The following ARID1A variants were observed in gnomAD, a reference collection of about 807,000 sequenced individuals.
ARID1A encodes the protein AT-rich interaction domain 1A.
Under a neutral mutation model 212.6 loss-of-function variants are expected in ARID1A, and 20 were observed. That is an observed-to-expected ratio of 0.09 (90% CI 0.07 to 0.14). The LOEUF is 0.14. ARID1A is among the 10% of genes least tolerant of loss of function. The pLI, the probability that ARID1A is intolerant of heterozygous loss-of-function variation, is 1.00. For missense variants in ARID1A, 2,587 were observed against 3,059.0 expected (o/e 0.85, Z 3.64); for synonymous variants, 1,376 against 1,222.1 (o/e 1.13, Z -2.63).
chr1:26,704,652 C>A (rs188938529), intron 1 of ARID1A, among the ~76,000 whole-genome samples: 1 of 152,064 alleles, frequency 6.6e-6, no homozygotes, highest in African/African-American at 2.4e-5. Context: ...AAGCCCAGGA[C>A]CAGCCTTGGG....
At chr1:26,727,995 TA>T (rs570076420) in intron 1 of ARID1A, 3 of 152,220 alleles carry the variant, frequency 2.0e-5, no homozygotes, top group Non-Finnish European at 4.4e-5. Context: ...TAAGTAACCC[TA>T]AAATCTATGT....
chr1:26,711,195 G>A (rs973302656), intron 1 of ARID1A, among the ~76,000 whole-genome samples: 21 of 151,672 alleles, frequency 1.4e-4, no homozygotes, highest in Non-Finnish European at 2.4e-4. Flanking sequence ...TGCAACCTCC[G>A]CCTCCTGGGT....
intron 1 of ARID1A, among the ~76,000 whole-genome samples, chr1:26,716,575 T>G (rs916405777): frequency 3.3e-5 from 5 of 152,166 alleles, no homozygotes; most frequent in Non-Finnish European, 5.9e-5. Flanking sequence ...AGTTATCCAT[T>G]GAGGCATGCT....
chr1:26,739,276 A>G (rs1211164690), intron 4 of ARID1A, among the ~76,000 whole-genome samples: 1 of 152,232 alleles, frequency 6.6e-6, no homozygotes, highest in Admixed American at 6.5e-5. Context: ...TGGAAAATGG[A>G]TACAGGATTG....
intron 1 of ARID1A, among the ~76,000 whole-genome samples, chr1:26,720,703 C>T (rs1212637975): frequency 2.6e-5 from 4 of 151,696 alleles, no homozygotes; most frequent in Non-Finnish European, 5.9e-5. Flanking sequence ...ATGGTGAAAC[C>T]CCATCTCTAC....
chr1:26,700,849 T>C (rs1395587655), intron 1 of ARID1A, among the ~76,000 whole-genome samples: 2 of 152,204 alleles, frequency 1.3e-5, no homozygotes, highest in African/African-American at 4.8e-5. Flanking sequence ...GATGGCACTT[T>C]AGTTGTGGGG....
chr1:26,769,054 TGCA>T (rs748115824), intron 11 of ARID1A: 1 of 152,244 alleles, frequency 6.6e-6, no homozygotes, highest in Non-Finnish European at 1.5e-5. Context: ...ATAAGACACG[TGCA>T]TACTGCCACA....
intron 4 of ARID1A, among the ~76,000 whole-genome samples, chr1:26,743,350 A>C (rs2080806582): frequency 6.6e-6 from 1 of 152,132 alleles, no homozygotes; most frequent in South Asian, 2.1e-4. Context: ...ATATTGGCAT[A>C]GCCTTATGCT....
chr1:26,738,561 G>A (rs1457154422), intron 4 of ARID1A, among the ~76,000 whole-genome samples: 1 of 151,782 alleles, frequency 6.6e-6, no homozygotes, highest in Non-Finnish European at 1.5e-5. Context: ...CATCTGACAG[G>A]AGCAGCTTGA....
rs149538231 is a variant in ARID1A at position 26,773,405 on chromosome 1, C to T, written c.3775C>T (p.Pro1259Ser). 32 of 1,612,894 alleles carry T rather than the reference C, an allele frequency of 2.0e-5. No individual in the cohort carries two copies. Among genetic ancestry groups the T allele is most frequent in the Non-Finnish European group, 2.6e-5 (31 of 1,179,408 alleles). The change falls in exon 15 of 20, where the codon CCC (proline) becomes TCC (serine). Residue 1259 changes from proline (P) to serine (S), a missense_variant. Coordinates refer to ENST00000324856, the MANE Select transcript of ARID1A (RefSeq NM_006015.6). The stretch of plus-strand genomic sequence containing the variant: ...GGGCCCCAACGGCGGGATGGGTGAC[C>T]CCTACAGTCGTGCTGCCGGCCCTGG... ...GQGPNGGMGD[P>S]YSRAAGPGLG...
Position 26,762,144 on chromosome 1 carries a change from A to G in ARID1A, c.2252-8A>G, listed in dbSNP as rs575872989. The G allele has an allele frequency of 6.2e-7, 1 of 1,609,092 alleles. No individual in the cohort carries two copies. The highest frequency in any genetic ancestry group is 1.3e-5 in the African/African-American group (1 of 74,856). Reference sequence around the variant, plus strand: ...GCTAATAACTATATGGATGCTACCCACAAATAGGTTATATGCAGAGGAACC... The same window carrying G: ...GCTAATAACTATATGGATGCTACCCGCAAATAGGTTATATGCAGAGGAACC... On this transcript the variant is annotated splice_polypyrimidine_tract_variant and splice_region_variant and intron_variant, in intron 6 of 19. Coordinates refer to ENST00000324856, the MANE Select transcript of ARID1A (RefSeq NM_006015.6).
intron 8 of ARID1A, among the ~76,000 whole-genome samples, chr1:26,763,822 T>C (rs1281722296): frequency 6.6e-6 from 1 of 152,168 alleles, no homozygotes; most frequent in Non-Finnish European, 1.5e-5. Flanking sequence ...AGGACCCTGC[T>C]CTGTTCCCCA....
intron 4 of ARID1A, among the ~76,000 whole-genome samples, chr1:26,736,071 T>C (rs987887835): frequency 3.3e-5 from 5 of 152,134 alleles, no homozygotes; most frequent in African/African-American, 1.2e-4. Flanking sequence ...ACGCCTGTAA[T>C]CCCAGCACTT....
chr1:26,707,586 G>A (rs536068452), intron 1 of ARID1A, among the ~76,000 whole-genome samples: 33 of 151,918 alleles, frequency 2.2e-4, no homozygotes, highest in African/African-American at 7.7e-4. Flanking sequence ...CAGGTGATCC[G>A]CCGGCTTTGA....
Position 26,697,141 on chromosome 1 carries a change from T to A in ARID1A, c.738T>A (p.Ala246=), listed in dbSNP as rs2124743336. The A allele has an allele frequency of 6.9e-7, 1 of 1,438,936 alleles. No individual in the cohort carries two copies. The highest frequency in any genetic ancestry group is 9.1e-7 in the Non-Finnish European group (1 of 1,099,560). 89.1% of individuals were successfully genotyped at this position (1,438,936 alleles called of 1,614,324 possible). The part of the protein sequence containing the change: ...GGTPGSGAAA[A]AGSKPPPSSS... ...CTCCGGGCTCCGGCGCGGCGGCGGC[T>A]GCCGGCTCCAAGCCGCCTCCCTCCT... Residue 246 remains alanine, a synonymous_variant, in exon 1 of 20, where the codon GCT becomes GCA. Coordinates refer to ENST00000324856, the MANE Select transcript of ARID1A (RefSeq NM_006015.6).
intron 4 of ARID1A, among the ~76,000 whole-genome samples, chr1:26,756,553 C>A (rs1201433764): frequency 6.8e-6 from 1 of 146,696 alleles, no homozygotes; most frequent in African/African-American, 2.5e-5. Flanking sequence ...CAGACCGAGA[C>A]CCTGTCTCTT....
At chr1:26,767,472 T>C (rs2081049303) in intron 10 of ARID1A, among the ~76,000 whole-genome samples, 1 of 152,260 alleles carries the variant, frequency 6.6e-6, no homozygotes, top group African/African-American at 2.4e-5. Context: ...ACTTAAAAGC[T>C]GTGAGATCTT....
At chr1:26,768,220 G>A (rs986192874) in intron 11 of ARID1A, among the ~76,000 whole-genome samples, 7 of 152,156 alleles carry the variant, frequency 4.6e-5, no homozygotes, top group South Asian at 2.1e-4. Flanking sequence ...TAAGTTTACC[G>A]TGTATCTATG....
At chr1:26,733,770 C>G in intron 4 of ARID1A, among the ~76,000 whole-genome samples, 1 of 152,194 alleles carries the variant, frequency 6.6e-6, no homozygotes, top group East Asian at 1.9e-4. Flanking sequence ...GGAAATTCAG[C>G]CACATACCCA....
Sources: allele counts gnomAD v4.1 joint callset (sites outside exome capture counted in the v4.1 genomes callset), GRCh38; gene constraint gnomAD v4.1.1; transcripts MANE v1.5; gene names NCBI Gene and HGNC (gene_info 2026-07-23, HGNC 2026-07-21).